AFG1L: variants seen among roughly 807,000 people sequenced by gnomAD.
The protein encoded by AFG1L is AFG1 like ATPase.
A neutral mutation model predicts 62.2 loss-of-function variants in AFG1L; 53 were observed. That is an observed-to-expected ratio of 0.85 (90% CI 0.68 to 1.07). The LOEUF is 1.07. Ranked by LOEUF, AFG1L falls within the 50% of genes least tolerant of loss-of-function variation. The pLI is 0.00. For synonymous variants in AFG1L, 228 were observed against 210.3 expected, an observed-to-expected ratio of 1.08 and a Z score of -0.73; for missense variants, 555 against 590.5, an observed-to-expected ratio of 0.94 and a Z score of 0.62.
At position 108,510,155 on chromosome 6, in the gene AFG1L, C is replaced by G; in HGVS notation, c.1063-57C>G. The G allele has an allele frequency of 3.5e-6, 5 of 1,416,950 alleles. No homozygotes were observed. In the South Asian group the frequency reaches 6.7e-5, roughly 19 times the overall value. The allele number at this position is 1,416,950 out of a possible 1,614,324, so 87.8% of individuals were successfully genotyped here. A position where few individuals can be genotyped will look rare whatever the true frequency, so the allele number is the denominator to read the frequency against. ...GAGGTGTTTTTACACTAAACCACTC[C>G]AAAGGCAACCAGAATTGGTTTATTT... On this transcript the variant is annotated intron_variant, in intron 10 of 12. Transcript: ENST00000368977.
rs187415967 is a variant in AFG1L, at chr6:108,439,886, A to C, written c.808-7328A>C. Among the ~76,000 whole-genome samples the C allele has an allele frequency of 3.7e-4, 56 of 152,274 alleles. 1 individual carries two copies. Among genetic ancestry groups the C allele is most frequent in the Admixed American group, 3.3e-3 (50 of 15,294 alleles). The stretch of plus-strand genomic sequence containing the variant: ...AGTCTCCACTCAGTCTCCCACCCTT[A>C]AATTGTATTCTTAGCAAAAAAAGTT... On this transcript the variant is annotated intron_variant, in intron 7 of 12. Coordinates refer to ENST00000368977, the MANE Select transcript of AFG1L (RefSeq NM_145315.5).
rs573777598 is a variant in AFG1L, at chr6:108,367,263, G to C, written c.748+931G>C. ...CTATAACAGTGTCTTACACATAGAT[G>C]GTTCTCAGTAAATAGTCTTAGAATG... On this transcript the variant is annotated intron_variant, in intron 6 of 12. Coordinates refer to ENST00000368977, the MANE Select transcript of AFG1L (RefSeq NM_145315.5). 2.2e-4 allele frequency among the ~76,000 whole-genome samples: 34 copies of C among 152,268 alleles called. 1 individual carries two copies. The South Asian group carries it at 6.4e-3, about 29-fold the overall frequency.
At chr6:108,308,121 C>T (rs138506901) in intron 1 of AFG1L, among the ~76,000 whole-genome samples, 5 of 152,158 alleles carry the variant, frequency 3.3e-5, no homozygotes, top group Non-Finnish European at 5.9e-5. Flanking sequence ...TATCTCTTAT[C>T]TTATAAGTGG....
At chr6:108,385,637 C>G (rs555773782) in intron 6 of AFG1L, among the ~76,000 whole-genome samples, 2 of 152,158 alleles carry the variant, frequency 1.3e-5, no homozygotes, top group Non-Finnish European at 2.9e-5. Flanking sequence ...TATTTCTGTA[C>G]GTGTGTCTTT....
At chr6:108,308,523 A>AT (rs1291376949) in intron 1 of AFG1L, among the ~76,000 whole-genome samples, 1 of 151,670 alleles carries the variant, frequency 6.6e-6, no homozygotes, top group East Asian at 1.9e-4. Context: ...TTTAATTTTA[A>AT]TTTTTTTAGA....
intron 10 of AFG1L, among the ~76,000 whole-genome samples, chr6:108,493,932 G>A (rs1040848228): frequency 1.3e-5 from 2 of 152,042 alleles, no homozygotes; most frequent in African/African-American, 4.8e-5. Flanking sequence ...CGCCCTTCAG[G>A]TTCAAGCGAT....
chr6:108,452,125 C>T (rs906625228), intron 8 of AFG1L, among the ~76,000 whole-genome samples: 2 of 152,214 alleles, frequency 1.3e-5, no homozygotes, highest in East Asian at 3.8e-4. Context: ...TGGATGGAGA[C>T]TTGGACAGTA....
At chr6:108,303,306 C>T (rs1018845462) in intron 1 of AFG1L, among the ~76,000 whole-genome samples, 5 of 152,112 alleles carry the variant, frequency 3.3e-5, no homozygotes, top group African/African-American at 7.2e-5. Flanking sequence ...CTTGGCCTCC[C>T]GAAGTGTTAG....
intron 7 of AFG1L, among the ~76,000 whole-genome samples, chr6:108,429,296 G>A (rs1033496471): frequency 6.6e-6 from 1 of 152,150 alleles, no homozygotes; most frequent in Non-Finnish European, 1.5e-5. Flanking sequence ...GACTGGGGAG[G>A]CCTCACAATC....
chr6:108,491,069 A>G (rs1377387222), intron 10 of AFG1L, among the ~76,000 whole-genome samples: 1 of 152,246 alleles, frequency 6.6e-6, no homozygotes, highest in Admixed American at 6.5e-5. Flanking sequence ...CTGATTCCAA[A>G]AAGTATTTTA....
Position 108,323,774 on chromosome 6 carries a change from A to T in AFG1L, c.140-51A>T, listed in dbSNP as rs568829064. The T allele has an allele frequency of 7.1e-5, 93 of 1,307,392 alleles. No homozygotes were observed. In the East Asian group the frequency reaches 2.1e-3, roughly 29 times the overall value. The allele number at this position is 1,307,392 out of a possible 1,614,324, so 81.0% of individuals were successfully genotyped here. ...TTGACCCTTAAGAAATGTGTAGAGC[A>T]CTGTGAAAATGTATTTAAGAAAGTC... On this transcript the variant is annotated intron_variant, in intron 1 of 12. Transcript: ENST00000368977.
chr6:108,467,249 C>CT (rs56898379), intron 8 of AFG1L, among the ~76,000 whole-genome samples: 16,713 of 141,932 alleles, frequency 0.12, 1,624 homozygotes, highest in African/African-American at 0.27. Flanking sequence ...GAGGTACTTA[C>CT]TTTTTTTTTT....
At chr6:108,429,894 T>C (rs574542085) in intron 7 of AFG1L, among the ~76,000 whole-genome samples, 4 of 152,284 alleles carry the variant, frequency 2.6e-5, no homozygotes, top group Non-Finnish European at 4.4e-5. Context: ...ATATAGATTC[T>C]TCCAATCAAT....
intron 7 of AFG1L, among the ~76,000 whole-genome samples, chr6:108,426,504 C>T (rs1770822818): frequency 6.6e-6 from 1 of 152,116 alleles, no homozygotes; most frequent in Non-Finnish European, 1.5e-5. Flanking sequence ...TGCCACTCTT[C>T]TACTTTTCTT....
At chr6:108,390,553 T>C (rs181404810) in intron 6 of AFG1L, among the ~76,000 whole-genome samples, 1 of 151,736 alleles carries the variant, frequency 6.6e-6, no homozygotes, top group East Asian at 1.9e-4. Flanking sequence ...TTGGTGTGGA[T>C]GTCCTTTCTG....
chr6:108,312,926 T>C (rs977737239), intron 1 of AFG1L, among the ~76,000 whole-genome samples: 7 of 152,180 alleles, frequency 4.6e-5, no homozygotes, highest in African/African-American at 1.7e-4. Flanking sequence ...TATGAGCCAC[T>C]GCACCCAGCC....
intron 10 of AFG1L, among the ~76,000 whole-genome samples, chr6:108,482,965 G>C (rs1773387020): frequency 6.6e-6 from 1 of 151,914 alleles, no homozygotes; most frequent in Non-Finnish European, 1.5e-5. Context: ...GCTTCTTGTT[G>C]AGTTTTCATG....
chr6:108,453,993 G>A (rs1035032028), intron 8 of AFG1L, among the ~76,000 whole-genome samples: 2 of 152,160 alleles, frequency 1.3e-5, no homozygotes, highest in Admixed American at 6.5e-5. Context: ...CTTTTAGGCC[G>A]TCATTTGTTT....
At chr6:108,479,293 T>C (rs1773244004) in intron 10 of AFG1L, among the ~76,000 whole-genome samples, 2 of 152,192 alleles carry the variant, frequency 1.3e-5, no homozygotes, top group African/African-American at 4.8e-5. Flanking sequence ...TGACCAGCCT[T>C]GTCAATTATT....
Sources: allele counts gnomAD v4.1 joint callset (sites outside exome capture counted in the v4.1 genomes callset), GRCh38; gene constraint gnomAD v4.1.1; transcripts MANE v1.5; gene names NCBI Gene and HGNC (gene_info 2026-07-23, HGNC 2026-07-21).